The following IWS1 variants were observed in gnomAD, a reference collection of about 807,000 sequenced individuals.
IWS1 encodes interacts with SUPT6H, CTD assembly factor 1.
Under a neutral mutation model 86.7 loss-of-function variants are expected in IWS1, and 27 were observed. The observed-to-expected ratio is 0.31, with a 90% CI of 0.23 to 0.43. The LOEUF is 0.43. Ranked by LOEUF, IWS1 falls within the 20% of genes least tolerant of loss-of-function variation. IWS1 has a pLI of 1.00. For synonymous variants in IWS1, 313 were observed against 335.1 expected (o/e 0.93, Z 0.72); for missense variants, 827 against 1,000.8 (o/e 0.83, Z 2.34).
Position 127,526,436 on chromosome 2 carries a change from A to T in IWS1, c.-228T>A. 6.5e-7 allele frequency: 1 copy of T among 1,535,276 alleles called. No individual in the cohort carries two copies. The highest frequency in any genetic ancestry group is 1.4e-5 in the African/African-American group (1 of 73,088). ...CCGGCAGGCTGGCGGGCGGGCAGGC[A>T]TGCGAGCCGGCGTTCTACTTCCTAG... On this transcript the variant is annotated 5_prime_UTR_variant, in exon 1 of 14. The change abolishes an upstream ATG in the 5' untranslated region. Transcript: ENST00000295321.
At chr2:127,496,539 A>G (rs1690520224) in intron 6 of IWS1, among the ~76,000 whole-genome samples, 1 of 129,998 alleles carries the variant, frequency 7.7e-6, no homozygotes, top group African/African-American at 3.3e-5. Context: ...CAGGTGTACC[A>G]TATTTTATCA....
intron 2 of IWS1, among the ~76,000 whole-genome samples, chr2:127,521,972 C>G (rs1463525386): frequency 6.6e-6 from 1 of 152,200 alleles, no homozygotes; most frequent in East Asian, 1.9e-4. Context: ...CTTAAAATAT[C>G]ATGCACTAAA....
Position 127,481,089 on chromosome 2 carries a change from T to C in IWS1, c.2415A>G (p.Ala805=), listed in dbSNP as rs1047793197. The part of the protein sequence containing the change: ...FTDIRKKSRS[A]HAVKISIEGN... The stretch of plus-strand genomic sequence containing the variant: ...CCTCAATGCTGATTTTCACTGCGTG[T>C]GCAGATCTGCTTTTTTTCCTTATAT... Residue 805 remains alanine (A), a synonymous_variant, in exon 14 of 14, where the codon GCA becomes GCG. Transcript: ENST00000295321. 7 of 1,612,854 alleles carry C rather than the reference T, an allele frequency of 4.3e-6. No homozygotes were observed. Among genetic ancestry groups the C allele is most frequent in the South Asian group, 1.1e-5 (1 of 90,824 alleles).
chr2:127,505,227 T>G lies in IWS1; in HGVS notation c.676A>C (p.Ser226Arg). The change falls in exon 3 of 14, where the codon AGT becomes CGT. Residue 226 changes from serine (S) to arginine (R), a missense_variant. Coordinates refer to ENST00000295321, the MANE Select transcript of IWS1 (RefSeq NM_017969.3). This position sits in a 1 kb window ranked among gnomAD's most constrained non-coding sequence, Gnocchi z 5.0. Reference protein sequence around the residue: ...LPKPQVSDSESEEPPRHQASD... With the variant: ...LPKPQVSDSEREEPPRHQASD... ...GCCTGGTGCCTTGGGGGTTCCTCAC[T>G]TTCTGAATCACTGACCTGAGGTTTA... is the stretch of plus-strand genomic sequence containing the variant. 3 of 1,614,104 alleles carry G rather than the reference T, an allele frequency of 1.9e-6. No individual in the cohort carries two copies. Among genetic ancestry groups the G allele is most frequent in the Non-Finnish European group, 2.5e-6 (3 of 1,179,974 alleles).
chr2:127,523,641 G>C (rs772251601), intron 2 of IWS1, 35 bp downstream of exon 2: 2 of 1,399,648 alleles, frequency 1.4e-6, no homozygotes, highest in South Asian at 2.4e-5. Context: ...GAACGCAAGG[G>C]AAAAGCCCTC....
rs747841771 is a variant in IWS1, at chr2:127,505,242, C to T, written c.661G>A (p.Val221Ile). The stretch of plus-strand genomic sequence containing the variant: ...GGTTCCTCACTTTCTGAATCACTGA[C>T]CTGAGGTTTAGGAAGCTCCTCACTT... ...SESEELPKPQ[V>I]SDSESEEPPR... The change falls in exon 3 of 14, where the codon GTC (valine) becomes ATC (isoleucine). Residue 221 changes from valine (V) to isoleucine (I), a missense_variant. Around this residue, in one of 2 missense-constraint regions of IWS1, gnomAD observed 548 missense variants for 560.2 expected, o/e 0.98. Coordinates refer to ENST00000295321, the MANE Select transcript of IWS1 (RefSeq NM_017969.3). This position sits in a 1 kb window ranked among gnomAD's most constrained non-coding sequence, Gnocchi z 5.0. 1.2e-6 allele frequency: 2 copies of T among 1,613,446 alleles called. No individual in the cohort carries two copies. The highest frequency in any genetic ancestry group is 8.5e-7 in the Non-Finnish European group (1 of 1,179,818).
intron 2 of IWS1, among the ~76,000 whole-genome samples, chr2:127,512,736 T>C (rs1691538964): frequency 6.6e-6 from 1 of 152,212 alleles, no homozygotes; most frequent in Admixed American, 6.5e-5. Flanking sequence ...TATGTATCCT[T>C]TCTACAATGA....
At position 127,526,341 on chromosome 2, in the gene IWS1, G is replaced by A. The variant is rs571049013; in HGVS notation, c.-133C>T. 26 of 1,538,396 alleles carry A rather than the reference G, an allele frequency of 1.7e-5. No homozygotes were observed. The East Asian group carries it at 3.9e-4, about 23-fold the overall frequency. ...CCCGACCGGAGAACTTAACGGGTGC[G>A]GAGGGTAAGAAAGCGGTAGCGGCAA... On this transcript the variant is annotated 5_prime_UTR_variant, in exon 1 of 14. Transcript: ENST00000295321.
chr2:127,525,428 A>C (rs1205936421), intron 1 of IWS1, among the ~76,000 whole-genome samples: 1 of 152,228 alleles, frequency 6.6e-6, no homozygotes, highest in Admixed American at 6.5e-5. Flanking sequence ...TTGTGGGTAC[A>C]TAGAGGGTGT....
Position 127,505,604 on chromosome 2 carries a change from C to G in IWS1, c.299G>C (p.Arg100Pro), listed in dbSNP as rs746988296. The G allele has an allele frequency of 1.9e-6, 3 of 1,613,780 alleles. No homozygotes were observed. The highest frequency in any genetic ancestry group is 1.7e-5 in the Admixed American group (1 of 59,984). Residue 100 changes from arginine to proline, a missense_variant, in exon 3 of 14, where the codon CGT (arginine) becomes CCT (proline). This residue lies in a region of IWS1 where 548 missense variants were observed against 560.2 expected (regional missense o/e 0.98). Coordinates refer to ENST00000295321, the MANE Select transcript of IWS1 (RefSeq NM_017969.3). The surrounding 1 kb of genome is among the most constrained non-coding windows in gnomAD (Gnocchi z 5.0). ...AGAATCGCTTGCAGGAGGCTCTGCACGTTCCTCAGATTCAGAGTCGCTGTC... is the reference window on the plus strand; with the variant it reads ...AGAATCGCTTGCAGGAGGCTCTGCAGGTTCCTCAGATTCAGAGTCGCTGTC... ...QKDSDSESEE[R>P]AEPPASDSEN...
intron 2 of IWS1, chr2:127,506,605 A>G (rs2104707678): frequency 6.1e-6 from 1 of 163,748 alleles, no homozygotes; most frequent in Non-Finnish European, 1.5e-5. Context: ...AGTACCCACT[A>G]AGAGCCAATA....
In IWS1 at chr2:127,499,416, T is replaced by C. The variant is rs199735574; in HGVS notation, c.1468-1179A>G. Among the ~76,000 whole-genome samples the C allele has an allele frequency of 1.7e-4, 26 of 152,304 alleles. No homozygotes were observed. The East Asian group carries it at 4.8e-3, about 28-fold the overall frequency. On this transcript the variant is annotated intron_variant, in intron 5 of 13. Coordinates refer to ENST00000295321, the MANE Select transcript of IWS1 (RefSeq NM_017969.3). The surrounding 1 kb of genome is among the most constrained non-coding windows in gnomAD (Gnocchi z 4.0). ...ATTTTTCATTTTTATGTAAATGAAA[T>C]GGCCTGTCTTTTCTTTATAGTGTCT... is the stretch of plus-strand genomic sequence containing the variant.
At chr2:127,493,090 A>G in intron 9 of IWS1, 191 bp downstream of exon 9, 1 of 444,150 alleles carries the variant, frequency 2.3e-6, no homozygotes, top group Non-Finnish European at 3.8e-6. Context: ...CTTCAATGCG[A>G]TAGTTACATG....
chr2:127,490,072 T>G, intron 10 of IWS1, 129 bp from the exon 11 acceptor site: 1 of 647,156 alleles, frequency 1.5e-6, no homozygotes, highest in Non-Finnish European at 2.8e-6. Context: ...AGTCCATTAT[T>G]TCAGAGTAAT....
At position 127,510,178 on chromosome 2, in the gene IWS1, A is replaced by C. The variant is rs532073521; in HGVS notation, c.151-4426T>G. On this transcript the variant is annotated intron_variant, in intron 2 of 13. Coordinates refer to ENST00000295321, the MANE Select transcript of IWS1 (RefSeq NM_017969.3). ...TCAAAAACATGTTTCACGGGACCTT[A>C]GTTCCAGAAGATATAGCTGAAACTA... 3.3e-5 allele frequency among the ~76,000 whole-genome samples: 5 copies of C among 152,356 alleles called. No individual in the cohort carries two copies. The South Asian group carries it at 1.0e-3, about 32-fold the overall frequency.
rs144985459 is a variant in IWS1, at chr2:127,505,834, AT to A, written c.151-83del. The A allele has an allele frequency of 3.1e-6, 3 of 959,888 alleles. No homozygotes were observed. The highest frequency in any genetic ancestry group is 4.5e-6 in the Non-Finnish European group (3 of 666,522). The allele number at this position is 959,888 out of a possible 1,614,324, so 59.5% of individuals were successfully genotyped here. On this transcript the variant is annotated intron_variant, in intron 2 of 13. Coordinates refer to ENST00000295321, the MANE Select transcript of IWS1 (RefSeq NM_017969.3). The surrounding 1 kb of genome is among the most constrained non-coding windows in gnomAD (Gnocchi z 5.0). ...AATAAAACATTAAATTTTTTCTGTG[AT>A]TTTTTTAAAATACAGGATTATGTGC... is the stretch of plus-strand genomic sequence containing the variant.
intron 2 of IWS1, among the ~76,000 whole-genome samples, chr2:127,522,585 T>C (rs1692157760): frequency 6.6e-6 from 1 of 152,236 alleles, no homozygotes; most frequent in Non-Finnish European, 1.5e-5. Context: ...GATATGCTAA[T>C]GTTGCTGTCA....
chr2:127,512,159 T>C (rs1313757962), intron 2 of IWS1, among the ~76,000 whole-genome samples: 1 of 152,208 alleles, frequency 6.6e-6, no homozygotes, highest in Admixed American at 6.5e-5. Context: ...TATATATAGA[T>C]AAAATCTACA....
Position 127,496,043 on chromosome 2 carries a change from G to A in IWS1, c.1671C>T (p.Asp557=), listed in dbSNP as rs754454463. Reference sequence around the variant, plus strand: ...TGACGATCATGGCACTCACGACGTCGTCTGCATCACTAATAAAGGTGCCAC... The same window carrying A: ...TGACGATCATGGCACTCACGACGTCATCTGCATCACTAATAAAGGTGCCAC... ...RDGGTFISDA[D]DVVSAMIVKM... Residue 557 remains aspartate (D), a synonymous_variant, in exon 7 of 14, where the codon GAC becomes GAT. Coordinates refer to ENST00000295321, the MANE Select transcript of IWS1 (RefSeq NM_017969.3). 2.0e-5 allele frequency: 33 copies of A among 1,613,624 alleles called. 1 individual carries two copies. The highest frequency in any genetic ancestry group is 1.3e-4 in the African/African-American group (10 of 74,860).
Sources: allele counts gnomAD v4.1 joint callset (sites outside exome capture counted in the v4.1 genomes callset), GRCh38; gene constraint gnomAD v4.1.1; regional missense constraint gnomAD v4.1.1; non-coding constraint Gnocchi (gnomAD v3.1); transcripts MANE v1.5; gene names NCBI Gene and HGNC (gene_info 2026-07-23, HGNC 2026-07-21).